The following CCR3 variants were observed in gnomAD, a reference collection of about 807,000 sequenced individuals.
CCR3 encodes C-C chemokine receptor type 3.
For missense variants in CCR3, 419 were observed against 437.5 expected (o/e 0.96, Z 0.38); for synonymous variants, 203 against 179.2 (o/e 1.13, Z -1.06).
intron 2 of CCR3, among the ~76,000 whole-genome samples, chr3:46,213,023 G>T (rs1699735289): frequency 6.6e-6 from 1 of 152,176 alleles, no homozygotes; most frequent in Non-Finnish European, 1.5e-5. Context: ...AAAAAGAAAA[G>T]AAATCATTGT....
intron 1 of CCR3, among the ~76,000 whole-genome samples, chr3:46,261,476 A>T (rs892985046): frequency 6.6e-6 from 1 of 152,234 alleles, no homozygotes; most frequent in Non-Finnish European, 1.5e-5. Flanking sequence ...AGTGTTTTAA[A>T]ATTTGTCAGA....
At chr3:46,251,184 C>T (rs1455308172) in intron 1 of CCR3, among the ~76,000 whole-genome samples, 1 of 152,070 alleles carries the variant, frequency 6.6e-6, no homozygotes, top group Non-Finnish European at 1.5e-5. Context: ...GGCAGGCGTC[C>T]CTGCGTGGTC....
chr3:46,238,195 T>C (rs934144824), upstream of CCR3, among the ~76,000 whole-genome samples: 1 of 152,216 alleles, frequency 6.6e-6, no homozygotes, highest in African/African-American at 2.4e-5. Flanking sequence ...TCTTTCCCAC[T>C]AGCTCTGTAT....
chr3:46,212,025 C>T (rs1699720566), intron 2 of CCR3, among the ~76,000 whole-genome samples: 1 of 152,198 alleles, frequency 6.6e-6, no homozygotes, highest in African/African-American at 2.4e-5. Context: ...TCTTCCTTCT[C>T]ACCTATTTAT....
intron 2 of CCR3, among the ~76,000 whole-genome samples, chr3:46,212,304 C>G (rs1699723703): frequency 6.6e-6 from 1 of 152,128 alleles, no homozygotes; most frequent in Non-Finnish European, 1.5e-5. Context: ...AATCTTGGGG[C>G]ACACTGTCTG....
chr3:46,264,602 C>G, intron 1 of CCR3: 1 of 585,878 alleles, frequency 1.7e-6, no homozygotes, highest in East Asian at 3.2e-5. Context: ...TACTAAATTT[C>G]TTCAAGGTTC....
At chr3:46,211,748 T>G (rs1208315712) in intron 2 of CCR3, among the ~76,000 whole-genome samples, 1 of 152,156 alleles carries the variant, frequency 6.6e-6, no homozygotes, top group Non-Finnish European at 1.5e-5. Flanking sequence ...CACACACTTT[T>G]TTTTACACTG....
intron 2 of CCR3, among the ~76,000 whole-genome samples, chr3:46,224,820 C>A (rs1385712780): frequency 6.6e-6 from 1 of 151,470 alleles, no homozygotes; most frequent in Non-Finnish European, 1.5e-5. Context: ...GGTTATGAGG[C>A]AATGAGAACT....
chr3:46,265,491 G>A lies in CCR3; in HGVS notation c.333G>A (p.Gly111=), dbSNP rs747975200. The change falls in exon 2 of 2, where the codon GGG becomes GGA. Residue 111 remains glycine, a synonymous_variant. Coordinates refer to ENST00000395940, the MANE Select transcript of CCR3 (RefSeq NM_178329.3). ...FGHGMCKLLS[G]FYHTGLYSEI... is the part of the protein sequence containing the mutation. The stretch of plus-strand genomic sequence containing the variant: ...ATGGCATGTGTAAGCTCCTCTCAGG[G>A]TTTTATCACACAGGCTTGTACAGCG... The A allele has an allele frequency of 4.5e-5, 73 of 1,614,148 alleles. No individual in the cohort carries two copies. The East Asian group carries it at 1.6e-3, about 35-fold the overall frequency.
At chr3:46,218,024 A>G (rs1171144057) in intron 2 of CCR3, among the ~76,000 whole-genome samples, 1 of 152,004 alleles carries the variant, frequency 6.6e-6, no homozygotes, top group African/African-American at 2.4e-5. Context: ...TAAATGAAAC[A>G]AAAAGTTGGT....
intron 1 of CCR3, among the ~76,000 whole-genome samples, chr3:46,257,186 T>C (rs1700443607): frequency 6.6e-6 from 1 of 151,966 alleles, no homozygotes; most frequent in South Asian, 2.1e-4. Flanking sequence ...GCAAGGGAAA[T>C]TTCTTGTATT....
At chr3:46,228,549 C>T (rs543155038) in intron 2 of CCR3, among the ~76,000 whole-genome samples, 1 of 152,288 alleles carries the variant, frequency 6.6e-6, no homozygotes, top group Admixed American at 6.5e-5. Flanking sequence ...ACATAATCTT[C>T]ACGTTCTTGG....
At chr3:46,263,219 C>T (rs1700559389) in intron 1 of CCR3, among the ~76,000 whole-genome samples, 1 of 152,190 alleles carries the variant, frequency 6.6e-6, no homozygotes, top group South Asian at 2.1e-4. Flanking sequence ...TTTTAAATCA[C>T]TCTTGGAGAA....
chr3:46,221,609 A>G (rs1699837992), intron 2 of CCR3, among the ~76,000 whole-genome samples: 1 of 152,018 alleles, frequency 6.6e-6, no homozygotes. Flanking sequence ...CTTGAACCCA[A>G]TTTGCACTTC....
chr3:46,257,890 G>A (rs1030864365), intron 1 of CCR3, among the ~76,000 whole-genome samples: 1 of 152,216 alleles, frequency 6.6e-6, no homozygotes, highest in Non-Finnish European at 1.5e-5. Context: ...GTCCTAGGCT[G>A]AAAGCCACTG....
At chr3:46,241,164 G>GCACT (rs1339831772), upstream of CCR3, among the ~76,000 whole-genome samples, 4 of 47,836 alleles carry the variant, frequency 8.4e-5, no homozygotes, top group Admixed American at 6.7e-4. Context: ...ACATGTGTGT[G>GCACT]CGCTCTCTCT....
At chr3:46,213,516 T>C (rs1207126684) in intron 2 of CCR3, among the ~76,000 whole-genome samples, 1 of 152,218 alleles carries the variant, frequency 6.6e-6, no homozygotes, top group Non-Finnish European at 1.5e-5. Flanking sequence ...AAAGGCTGTG[T>C]GTACTCGGCT....
At chr3:46,231,690 A>T (rs1055227834) in intron 2 of CCR3, among the ~76,000 whole-genome samples, 1 of 152,324 alleles carries the variant, frequency 6.6e-6, no homozygotes, top group Middle Eastern at 3.4e-3. Context: ...TGTTTATGGT[A>T]TAGATTATGA....
At chr3:46,239,907 C>T (rs1700062335), upstream of CCR3, among the ~76,000 whole-genome samples, 1 of 152,158 alleles carries the variant, frequency 6.6e-6, no homozygotes, top group Non-Finnish European at 1.5e-5. Flanking sequence ...TAAGGTAGTA[C>T]CAGTACTATA....
Sources: allele counts gnomAD v4.1 joint callset (sites outside exome capture counted in the v4.1 genomes callset), GRCh38; gene constraint gnomAD v4.1.1; transcripts MANE v1.5; gene names NCBI Gene and HGNC (gene_info 2026-07-23, HGNC 2026-07-21).